Variants in CLNK observed in about 807,000 individuals in gnomAD.
CLNK encodes the protein cytokine-dependent hematopoietic cell linker.
Under a neutral mutation model 68.6 loss-of-function variants are expected in CLNK, and 74 were observed. The ratio of observed to expected loss-of-function variants is 1.08; its 90% CI spans 0.89 to 1.31. The LOEUF (loss-of-function observed/expected upper bound fraction) is 1.31. Among genes scored for constraint, CLNK ranks in the 50% most tolerant of loss-of-function variants. CLNK has a pLI of 0.00. For missense variants in CLNK, 553 were observed against 515.3 expected, an observed-to-expected ratio of 1.07 and a Z score of -0.71; for synonymous variants, 198 against 172.2, an observed-to-expected ratio of 1.15 and a Z score of -1.17.
intron 8 of CLNK, among the ~76,000 whole-genome samples, chr4:10,555,101 A>AAAC (rs1706471727): frequency 6.6e-6 from 1 of 152,258 alleles, no homozygotes; most frequent in African/African-American, 2.4e-5. Context: ...GTCTAAAAGC[A>AAAC]AACTAGTATA....
At chr4:10,622,239 T>A (rs939658574) in intron 2 of CLNK, among the ~76,000 whole-genome samples, 1 of 152,170 alleles carries the variant, frequency 6.6e-6, no homozygotes, top group Non-Finnish European at 1.5e-5. Context: ...ATGATATTAT[T>A]CCCATTATAC....
the CLNK span, among the ~76,000 whole-genome samples, chr4:10,717,800 T>C: frequency 6.6e-6 from 1 of 152,192 alleles, no homozygotes; most frequent in Admixed American, 6.5e-5. Context: ...ACCTGGAATA[T>C]GCAGTTTTCA....
At chr4:10,511,233 G>A (rs190325277) in intron 16 of CLNK, among the ~76,000 whole-genome samples, 2 of 152,076 alleles carry the variant, frequency 1.3e-5, no homozygotes, top group South Asian at 2.1e-4. Context: ...AAACCAAGCT[G>A]CACCCTGACC....
At chr4:10,496,660 GC>G (rs1468442395) in intron 18 of CLNK, among the ~76,000 whole-genome samples, 1 of 152,240 alleles carries the variant, frequency 6.6e-6, no homozygotes, top group Admixed American at 6.5e-5. Context: ...GTTTGTGGAA[GC>G]GAGGCATGAG....
chr4:10,699,285 C>CGT, the CLNK span, among the ~76,000 whole-genome samples: 2 of 46,192 alleles, frequency 4.3e-5, no homozygotes, highest in African/African-American at 1.9e-4. Flanking sequence ...ACACCACATA[C>CGT]GTGTATACAC....
intron 2 of CLNK, among the ~76,000 whole-genome samples, chr4:10,600,332 G>A (rs369595119): frequency 2.2e-4 from 33 of 152,146 alleles, no homozygotes; most frequent in African/African-American, 5.8e-4. Flanking sequence ...CATTCATTTC[G>A]TTTGTTCATG....
intron 7 of CLNK, among the ~76,000 whole-genome samples, chr4:10,559,004 C>T (rs193059109): frequency 5.9e-5 from 9 of 152,184 alleles, no homozygotes; most frequent in Non-Finnish European, 7.4e-5. Flanking sequence ...CTTTTGAGGA[C>T]GGGACGACAA....
chr4:10,509,975 C>G (rs1334806455), intron 16 of CLNK, among the ~76,000 whole-genome samples: 2 of 152,246 alleles, frequency 1.3e-5, no homozygotes, highest in Non-Finnish European at 2.9e-5. Flanking sequence ...CATCTCCTGA[C>G]TGAAGCATGA....
chr4:10,585,086 A>T (rs1256316915), intron 3 of CLNK, 131 bp from the exon 4 acceptor site: 3 of 734,558 alleles, frequency 4.1e-6, no homozygotes, highest in Admixed American at 2.5e-5. Context: ...TGTATGTACT[A>T]TTGTAGACCT....
chr4:10,493,997 T>C (rs2159244), intron 18 of CLNK, among the ~76,000 whole-genome samples: 151,144 of 152,370 alleles, frequency 0.99, 74,981 homozygotes, highest in East Asian at 1. Flanking sequence ...CCAGGCCTTA[T>C]GATTAACTCC....
At chr4:10,597,230 G>T (rs908714226) in intron 3 of CLNK, among the ~76,000 whole-genome samples, 3 of 152,190 alleles carry the variant, frequency 2.0e-5, no homozygotes, top group African/African-American at 7.2e-5. Flanking sequence ...GGACCCTTGG[G>T]TGCCTCCAGG....
At chr4:10,708,808 G>A in the CLNK span, among the ~76,000 whole-genome samples, 2 of 152,156 alleles carry the variant, frequency 1.3e-5, no homozygotes, top group Admixed American at 6.5e-5. Context: ...AGGAATTGAA[G>A]AGCCTTCATT....
intron 14 of CLNK, among the ~76,000 whole-genome samples, chr4:10,525,621 A>G (rs1718282833): frequency 6.6e-6 from 1 of 152,218 alleles, no homozygotes; most frequent in South Asian, 2.1e-4. Context: ...AAATTTCCCA[A>G]ACTTCTTTAA....
At chr4:10,702,421 A>AAGTT in the CLNK span, among the ~76,000 whole-genome samples, 1 of 152,076 alleles carries the variant, frequency 6.6e-6, no homozygotes, top group Non-Finnish European at 1.5e-5. Context: ...AGGGAGGAGG[A>AAGTT]AGTTAGTCAG....
At chr4:10,538,165 G>A (rs907168454) in intron 11 of CLNK, among the ~76,000 whole-genome samples, 5 of 151,782 alleles carry the variant, frequency 3.3e-5, no homozygotes, top group African/African-American at 9.7e-5. Flanking sequence ...GCCCTCTGTC[G>A]CCCTCTGTCG....
rs774754437 is a variant in CLNK at position 10,507,942 on chromosome 4, C to G, written c.984+17G>C. 1 of 1,581,494 alleles carries G rather than the reference C, an allele frequency of 6.3e-7. No individual in the cohort carries two copies. The highest frequency in any genetic ancestry group is 8.6e-7 in the Non-Finnish European group (1 of 1,158,824). On this transcript the variant is annotated intron_variant, in intron 17 of 18. Transcript: ENST00000226951. Reference sequence around the variant, plus strand: ...GCCTATAGAAACAATAATGATGGGCCACGTAGAAGGCATTACCTTGTTCTC... The same window carrying G: ...GCCTATAGAAACAATAATGATGGGCGACGTAGAAGGCATTACCTTGTTCTC...
chr4:10,556,623 G>A (rs1056529725), intron 8 of CLNK, among the ~76,000 whole-genome samples: 1 of 152,176 alleles, frequency 6.6e-6, no homozygotes, highest in African/African-American at 2.4e-5. Flanking sequence ...CTTCATGAGT[G>A]CCTACAAAGC....
intron 2 of CLNK, among the ~76,000 whole-genome samples, chr4:10,656,747 A>G (rs531341887): frequency 9.5e-4 from 144 of 152,364 alleles, no homozygotes; most frequent in Non-Finnish European, 1.6e-3. Flanking sequence ...GCTTTAGGAC[A>G]TGTAAACTGG....
Position 10,564,746 on chromosome 4 carries a change from A to G in CLNK, c.324T>C (p.Thr108=). The G allele has an allele frequency of 6.2e-7, 1 of 1,613,166 alleles. No individual in the cohort carries two copies. Among genetic ancestry groups the G allele is most frequent in the Non-Finnish European group, 8.5e-7 (1 of 1,179,176 alleles). Residue 108 remains threonine, a synonymous_variant, in exon 7 of 19, where the codon ACT becomes ACC. Transcript: ENST00000226951. ...DTHYFKVAMD[T]PLPLDTRTSI... ...AGGTCCTGGTGTCTAACGGAAGGGG[A>G]GTGTCCATTGCAACCTTGAAATAGT...
Sources: gnomAD v4.1 joint callset for allele counts (sites outside exome capture counted in the v4.1 genomes callset) on GRCh38, gnomAD v4.1.1 for gene constraint, MANE v1.5 for transcripts, NCBI Gene and HGNC (gene_info 2026-07-23, HGNC 2026-07-21) for gene names.